Variants in C4orf33 observed in about 807,000 individuals in gnomAD.
C4orf33 encodes UPF0462 protein C4orf33.
In C4orf33, 20 loss-of-function variants were observed where a neutral mutation model predicts 24.3. The observed-to-expected ratio is 0.82, with a 90% confidence interval of 0.58 to 1.19. C4orf33 has a LOEUF of 1.19. C4orf33 is among the 50% of genes most tolerant of loss of function. The pLI is 0.00. For missense variants in C4orf33, 207 were observed against 225.9 expected (o/e 0.92, Z 0.54); for synonymous variants, 67 against 76.4 (o/e 0.88, Z 0.64).
intron 1 of C4orf33, among the ~76,000 whole-genome samples, chr4:129,101,045 A>G (rs1757929): frequency 0.54 from 81,972 of 152,040 alleles, 24,649 homozygotes; most frequent in South Asian, 0.68. Context: ...TTGAGCTTCT[A>G]TCAATAATGA....
chr4:129,106,564 T>G (rs764456026), intron 2 of C4orf33, 23 bp from the exon 3 acceptor site: 1 of 1,230,308 alleles, frequency 8.1e-7, no homozygotes, highest in Middle Eastern at 1.9e-4. Flanking sequence ...TATCTCAATA[T>G]GTTATATCTC....
At chr4:129,110,123 G>A (rs1019696353) in intron 5 of C4orf33, 5 of 497,630 alleles carry the variant, frequency 1.0e-5, no homozygotes, top group Non-Finnish European at 1.0e-5. Context: ...TATCAACTAT[G>A]TTTCTAGGCA....
intron 2 of C4orf33, among the ~76,000 whole-genome samples, chr4:129,105,602 A>G (rs1330586420): frequency 6.6e-6 from 1 of 152,202 alleles, no homozygotes; most frequent in Non-Finnish European, 1.5e-5. Flanking sequence ...AAAATTGGAA[A>G]CAACCTAAAT....
Position 129,114,385 on chromosome 4 carries a change from C to T in C4orf33, c.*2594C>T, listed in dbSNP as rs547872406. ...AGAAGTTCTCTTAAAAGGATTCCAC[C>T]CTGATTACCCACAGCAGTGGCCAAC... is the stretch of plus-strand genomic sequence containing the variant. On this transcript the variant is annotated 3_prime_UTR_variant, in exon 6 of 6. Coordinates refer to ENST00000425929, the MANE Select transcript of C4orf33 (RefSeq NM_001099783.2). 1 of 152,336 alleles carries T rather than the reference C, an allele frequency of 6.6e-6. No individual in the cohort carries two copies. The highest frequency in any genetic ancestry group is 2.1e-4 in the South Asian group (1 of 4,822). The allele number at this position is 152,336 out of a possible 1,614,324, so 9.4% of individuals were successfully genotyped here.
chr4:129,097,065 C>A (rs541857284), intron 1 of C4orf33, among the ~76,000 whole-genome samples: 1 of 152,252 alleles, frequency 6.6e-6, no homozygotes, highest in Admixed American at 6.5e-5. Flanking sequence ...CGTGCCACCA[C>A]GCCCAGCTAA....
chr4:129,106,856 G>A (rs1753534774), intron 3 of C4orf33, among the ~76,000 whole-genome samples: 1 of 151,664 alleles, frequency 6.6e-6, no homozygotes, highest in Non-Finnish European at 1.5e-5. Flanking sequence ...TATTCTAAAT[G>A]TTTGAAAATC....
chr4:129,100,062 G>T (rs1753308817), intron 1 of C4orf33, among the ~76,000 whole-genome samples: 1 of 152,006 alleles, frequency 6.6e-6, no homozygotes, highest in Non-Finnish European at 1.5e-5. Flanking sequence ...ACTATTTTTT[G>T]CAGTAATTTT....
chr4:129,114,629 A>C lies in C4orf33; in HGVS notation c.*2838A>C, dbSNP rs1186821048. 6.6e-6 allele frequency: 1 copy of C among 152,212 alleles called. No homozygotes were observed. Among genetic ancestry groups the C allele is most frequent in the South Asian group, 2.1e-4 (1 of 4,834 alleles). The allele number at this position is 152,212 out of a possible 1,614,324, so 9.4% of individuals were successfully genotyped here. A position where few individuals can be genotyped will look rare whatever the true frequency, so the allele number is the denominator to read the frequency against. ...GGATGAGAATCTAGAATTGTATCACAGGGCATTTGGTGACAAGGACCCCAT... is the reference window on the plus strand; with the variant it reads ...GGATGAGAATCTAGAATTGTATCACCGGGCATTTGGTGACAAGGACCCCAT... On this transcript the variant is annotated 3_prime_UTR_variant, in exon 6 of 6. Transcript: ENST00000425929.
rs1463487589 is a variant in C4orf33, at chr4:129,115,192, ACT to A, written c.*3404_*3405del. 6.6e-6 allele frequency: 1 copy of A among 152,098 alleles called. No individual in the cohort carries two copies. Among genetic ancestry groups the A allele is most frequent in the Admixed American group, 6.6e-5 (1 of 15,260 alleles). The allele number at this position is 152,098 out of a possible 1,614,324, so 9.4% of individuals were successfully genotyped here. A position where few individuals can be genotyped will look rare whatever the true frequency, so the allele number is the denominator to read the frequency against. Reference sequence around the variant, plus strand: ...ATAATGGCTGCCCACTTCCTTGAAGACTCTGTGACAGATTGGACTCAATGTGG... The same window carrying A: ...ATAATGGCTGCCCACTTCCTTGAAGACTGTGACAGATTGGACTCAATGTGG... On this transcript the variant is annotated 3_prime_UTR_variant, in exon 6 of 6. Transcript: ENST00000425929.
At chr4:129,105,149 C>G (rs902052331) in intron 2 of C4orf33, among the ~76,000 whole-genome samples, 4 of 152,096 alleles carry the variant, frequency 2.6e-5, no homozygotes, top group Non-Finnish European at 5.9e-5. Flanking sequence ...TTCCCTGGGT[C>G]TTCAGTCAAC....
At chr4:129,095,511 A>G (rs1753180492), upstream of C4orf33, among the ~76,000 whole-genome samples, 1 of 152,224 alleles carries the variant, frequency 6.6e-6, no homozygotes, top group South Asian at 2.1e-4. Context: ...GTTTGTGTGT[A>G]ACTCTTGTCA....
chr4:129,106,288 A>C (rs937080248), intron 2 of C4orf33, among the ~76,000 whole-genome samples: 4 of 152,094 alleles, frequency 2.6e-5, no homozygotes, highest in African/African-American at 9.6e-5. Context: ...AAATTCCTAG[A>C]AGAAGATAAC....
chr4:129,106,920 T>C (rs926760695), intron 3 of C4orf33, among the ~76,000 whole-genome samples: 43 of 152,070 alleles, frequency 2.8e-4, no homozygotes, highest in African/African-American at 8.9e-4. Context: ...AATTTCAAGA[T>C]AATTTTTTTC....
In C4orf33 at chr4:129,111,925, A is replaced by G; in HGVS notation, c.*134A>G. 1.8e-6 allele frequency: 1 copy of G among 550,324 alleles called. No homozygotes were observed. The allele number at this position is 550,324 out of a possible 1,614,324, so 34.1% of individuals were successfully genotyped here. On this transcript the variant is annotated 3_prime_UTR_variant, in exon 6 of 6. Transcript: ENST00000425929. ...TCTTCATAGAAGTCACTGAAAATAT[A>G]GTATCTGTGGCAAATTGTATATGAT...
chr4:129,094,029 G>GT (rs916493133), upstream of C4orf33: 3 of 152,150 alleles, frequency 2.0e-5, no homozygotes, highest in African/African-American at 7.2e-5. Flanking sequence ...TCTCAAGAAG[G>GT]TAAGTACCTT....
At chr4:129,099,256 G>A (rs752037103) in intron 1 of C4orf33, among the ~76,000 whole-genome samples, 1 of 152,120 alleles carries the variant, frequency 6.6e-6, no homozygotes, top group Non-Finnish European at 1.5e-5. Context: ...TCATTGATTA[G>A]TTACATGAGA....
Position 129,102,719 on chromosome 4 carries a change from C to G in C4orf33, c.109C>G (p.Pro37Ala). The part of the protein sequence containing the change: ...DRGVMMDISA[P>A]FFRDPPAPLG... ...AGGAGTGATGATGGACATTAGTGCTCCATTTTTCAGGGATCCTCCAGCCCC... is the reference window on the plus strand; with the variant it reads ...AGGAGTGATGATGGACATTAGTGCTGCATTTTTCAGGGATCCTCCAGCCCC... The change falls in exon 2 of 6, where the codon CCA becomes GCA. Residue 37 changes from proline (P) to alanine (A), a missense_variant. Transcript: ENST00000425929. The G allele has an allele frequency of 6.2e-7, 1 of 1,614,070 alleles. No individual in the cohort carries two copies. Among genetic ancestry groups the G allele is most frequent in the East Asian group, 2.2e-5 (1 of 44,884 alleles).
Position 129,116,109 on chromosome 4 carries a change from C to A in C4orf33, c.*4318C>A, listed in dbSNP as rs1428883632. 2.6e-5 allele frequency: 4 copies of A among 151,736 alleles called. No individual in the cohort carries two copies. Among genetic ancestry groups the A allele is most frequent in the Non-Finnish European group, 5.9e-5 (4 of 67,934 alleles). The allele number at this position is 151,736 out of a possible 1,614,324, so 9.4% of individuals were successfully genotyped here. Reference sequence around the variant, plus strand: ...ATGAGGAATATAGGAAGCCAGAAATCATGAATCTATGAAAAGTGAGGGGTG... The same window carrying A: ...ATGAGGAATATAGGAAGCCAGAAATAATGAATCTATGAAAAGTGAGGGGTG... On this transcript the variant is annotated 3_prime_UTR_variant, in exon 6 of 6. Transcript: ENST00000425929.
At position 129,104,269 on chromosome 4, in the gene C4orf33, C is replaced by A. The variant is rs539654171; in HGVS notation, c.181+1478C>A. 3.3e-5 allele frequency among the ~76,000 whole-genome samples: 5 copies of A among 152,304 alleles called. No individual in the cohort carries two copies. The South Asian group carries it at 1.0e-3, about 32-fold the overall frequency. The stretch of plus-strand genomic sequence containing the variant: ...AACTCAGTATCTCCTCTTTTATCCC[C>A]ACTATCCTTGCCAAAAGTTAGGCTT... On this transcript the variant is annotated intron_variant, in intron 2 of 5. Transcript: ENST00000425929.
Sources: gnomAD v4.1 joint callset for allele counts (sites outside exome capture counted in the v4.1 genomes callset) on GRCh38, gnomAD v4.1.1 for gene constraint, MANE v1.5 for transcripts, NCBI Gene and HGNC (gene_info 2026-07-23, HGNC 2026-07-21) for gene names.